NKAIN2: variants seen among roughly 807,000 people sequenced by gnomAD.
The protein encoded by NKAIN2 is sodium/potassium transporting ATPase interacting 2.
Under a neutral mutation model 32.6 loss-of-function variants are expected in NKAIN2, and 14 were observed. That is an observed-to-expected ratio of 0.43 (90% CI 0.28 to 0.67). The LOEUF is 0.67. Among genes scored for constraint, NKAIN2 ranks in the 30% least tolerant of loss-of-function variants. NKAIN2 has a pLI of 0.17. For synonymous variants in NKAIN2, 80 were observed against 87.2 expected (o/e 0.92, Z 0.46); for missense variants, 198 against 258.3 (o/e 0.77, Z 1.60).
intron 1 of NKAIN2, among the ~76,000 whole-genome samples, chr6:124,229,501 CAG>C (rs1554269615): frequency 2.8e-5 from 4 of 142,872 alleles, no homozygotes; most frequent in Non-Finnish European, 6.1e-5. Flanking sequence ...GATAGATAGA[CAG>C]ATAGATAGAT....
intron 1 of NKAIN2, among the ~76,000 whole-genome samples, chr6:124,222,682 A>G (rs1363754132): frequency 6.6e-6 from 1 of 152,168 alleles, no homozygotes; most frequent in Non-Finnish European, 1.5e-5. Context: ...AACCAGCAGA[A>G]AAGACTGAGG....
intron 3 of NKAIN2, among the ~76,000 whole-genome samples, chr6:124,566,353 ATC>A (rs1190661548): frequency 3.3e-5 from 5 of 152,102 alleles, no homozygotes; most frequent in African/African-American, 7.2e-5. Flanking sequence ...ATTTGTTTGT[ATC>A]TCTGTCTCTC....
intron 1 of NKAIN2, among the ~76,000 whole-genome samples, chr6:123,852,664 C>A (rs1028233615): frequency 2.0e-5 from 3 of 152,234 alleles, no homozygotes; most frequent in African/African-American, 7.2e-5. Flanking sequence ...TACTATTCAG[C>A]CTTTAAAAAG....
intron 4 of NKAIN2, among the ~76,000 whole-genome samples, chr6:124,746,598 C>A (rs559469138): frequency 6.7e-4 from 102 of 151,984 alleles, no homozygotes; most frequent in African/African-American, 2.5e-3. Context: ...AAATTTATAT[C>A]TGTACTGATA....
At chr6:124,036,593 G>A (rs1194653781) in intron 1 of NKAIN2, among the ~76,000 whole-genome samples, 3 of 152,024 alleles carry the variant, frequency 2.0e-5, no homozygotes, top group Admixed American at 1.3e-4. Flanking sequence ...TAAACAAAGA[G>A]TTCATCAGCT....
chr6:124,358,411 A>G (rs1428460777), intron 3 of NKAIN2, among the ~76,000 whole-genome samples: 3 of 151,904 alleles, frequency 2.0e-5, no homozygotes, highest in East Asian at 1.9e-4. Context: ...AAGTGTTCCT[A>G]TATCTCCACA....
chr6:123,981,964 G>A (rs939109511), intron 1 of NKAIN2, among the ~76,000 whole-genome samples: 2 of 152,090 alleles, frequency 1.3e-5, no homozygotes, highest in South Asian at 2.1e-4. Context: ...AATGTGAGGA[G>A]CACTGCAATT....
intron 3 of NKAIN2, among the ~76,000 whole-genome samples, chr6:124,477,693 TCA>T (rs1777277438): frequency 1.4e-5 from 1 of 71,312 alleles, no homozygotes; most frequent in African/African-American, 5.8e-5. Context: ...CCCCTCTCCC[TCA>T]TCCTCTCCCT....
rs1782968307 is a variant in NKAIN2, at chr6:124,617,956, C to A, written c.274-40230C>A. On this transcript the variant is annotated intron_variant, in intron 3 of 6. Transcript: ENST00000368417. Reference sequence around the variant, plus strand: ...TTAAGGAACAGTTTAATTTAGACAGCTTTGGAGTGAGAAAGGCAGGTGAAG... The same window carrying A: ...TTAAGGAACAGTTTAATTTAGACAGATTTGGAGTGAGAAAGGCAGGTGAAG... 2.6e-5 allele frequency among the ~76,000 whole-genome samples: 4 copies of A among 152,056 alleles called. No homozygotes were observed. In the South Asian group the frequency reaches 8.3e-4, roughly 31 times the overall value.
chr6:124,056,758 A>G (rs1446843470), intron 1 of NKAIN2, among the ~76,000 whole-genome samples: 1 of 152,000 alleles, frequency 6.6e-6, no homozygotes, highest in East Asian at 1.9e-4. Context: ...TGAGTTATCA[A>G]TAATCATCTT....
chr6:124,650,805 TCA>T (rs1422013388), intron 3 of NKAIN2, among the ~76,000 whole-genome samples: 1 of 152,140 alleles, frequency 6.6e-6, no homozygotes, highest in Non-Finnish European at 1.5e-5. Flanking sequence ...TATGTTCACC[TCA>T]CATGCAAAAT....
At chr6:124,241,742 A>G (rs1268848485) in intron 1 of NKAIN2, among the ~76,000 whole-genome samples, 2 of 152,202 alleles carry the variant, frequency 1.3e-5, no homozygotes, top group Non-Finnish European at 2.9e-5. Context: ...AAAGCTTTCT[A>G]CTGGAGAAAT....
intron 4 of NKAIN2, among the ~76,000 whole-genome samples, chr6:124,739,391 CTG>C (rs146249002): frequency 4.0e-5 from 6 of 151,386 alleles, no homozygotes; most frequent in African/African-American, 1.4e-4. Flanking sequence ...CTGTCTTATT[CTG>C]TGTGTGTGTG....
At chr6:124,233,609 A>G (rs1201478877) in intron 1 of NKAIN2, among the ~76,000 whole-genome samples, 1 of 152,196 alleles carries the variant, frequency 6.6e-6, no homozygotes, top group Non-Finnish European at 1.5e-5. Context: ...ATGTGCCCAC[A>G]TAAGGCATCT....
intron 1 of NKAIN2, among the ~76,000 whole-genome samples, chr6:124,136,581 G>A (rs1357176070): frequency 1.3e-5 from 2 of 152,098 alleles, no homozygotes; most frequent in African/African-American, 4.8e-5. Context: ...CAATATCCCT[G>A]ATGAAATTAG....
chr6:124,154,117 T>C lies in NKAIN2; in HGVS notation c.55-128888T>C, dbSNP rs755735347. Among the ~76,000 whole-genome samples the C allele has an allele frequency of 2.2e-4, 34 of 151,840 alleles. 1 individual carries two copies. Among genetic ancestry groups the C allele is most frequent in the Admixed American group, 5.3e-4 (8 of 15,224 alleles). On this transcript the variant is annotated intron_variant, in intron 1 of 6. Transcript: ENST00000368417. ...TGTAAATTGTATTGACACGGTGAAT[T>C]ATATTGATTGATTTTTCAAATGTTA...
chr6:124,293,995 T>C (rs1432278465), intron 2 of NKAIN2, among the ~76,000 whole-genome samples: 1 of 152,160 alleles, frequency 6.6e-6, no homozygotes, highest in Non-Finnish European at 1.5e-5. Context: ...TAGTATAATG[T>C]CTTAGTCTTT....
intron 6 of NKAIN2, among the ~76,000 whole-genome samples, chr6:124,822,555 G>A (rs1475012448): frequency 6.6e-6 from 1 of 152,150 alleles, no homozygotes; most frequent in Non-Finnish European, 1.5e-5. Context: ...AGTCACAGCT[G>A]TGTTTCAGTT....
rs796137655 is a variant in NKAIN2, at chr6:124,228,860, C to T, written c.55-54145C>T. 5.3e-5 allele frequency among the ~76,000 whole-genome samples: 8 copies of T among 152,254 alleles called. No homozygotes were observed. In the South Asian group the frequency reaches 1.7e-3, roughly 32 times the overall value. ...AAGCAATGTATACCAGATATACTTT[C>T]AATAGAAATAGGAAATTTAAAACAT... On this transcript the variant is annotated intron_variant, in intron 1 of 6. Transcript: ENST00000368417.
Sources: allele counts gnomAD v4.1 joint callset (sites outside exome capture counted in the v4.1 genomes callset), GRCh38; gene constraint gnomAD v4.1.1; transcripts MANE v1.5; gene names NCBI Gene and HGNC (gene_info 2026-07-23, HGNC 2026-07-21).